SEM1: variants seen among roughly 807,000 people sequenced by gnomAD.
The protein encoded by SEM1 is SEM1 26S proteasome subunit, also known as 26S proteasome complex subunit SEM1.
Under a neutral mutation model 12.7 loss-of-function variants are expected in SEM1, and 3 were observed. The ratio of observed to expected loss-of-function variants is 0.24; its 90% CI spans 0.11 to 0.61. SEM1 has a LOEUF of 0.61. Among genes scored for constraint, SEM1 ranks in the 20% least tolerant of loss-of-function variants. The pLI, the probability that SEM1 is intolerant of heterozygous loss-of-function variation, is 0.88. For missense variants in SEM1, 59 were observed against 81.3 expected (o/e 0.73, Z 1.06); for synonymous variants, 30 against 27.8 (o/e 1.08, Z -0.25).
chr7:96,560,257 T>C (rs551766379), intron 2 of SEM1, among the ~76,000 whole-genome samples: 11 of 152,350 alleles, frequency 7.2e-5, no homozygotes, highest in African/African-American at 2.6e-4. Flanking sequence ...ATTGATTAAT[T>C]GCTCCTTCTC....
intron 2 of SEM1, among the ~76,000 whole-genome samples, chr7:96,592,876 G>A (rs555806954): frequency 1.3e-5 from 2 of 151,938 alleles, no homozygotes; most frequent in South Asian, 4.2e-4. Context: ...TTGTTAGCTG[G>A]TAAAGAAGGA....
chr7:96,697,808 T>C (rs1790144582), intron 1 of SEM1, among the ~76,000 whole-genome samples: 2 of 152,124 alleles, frequency 1.3e-5, no homozygotes, highest in African/African-American at 2.4e-5. Context: ...CCACACCATA[T>C]CCAGTGATTC....
intron 2 of SEM1, among the ~76,000 whole-genome samples, chr7:96,587,710 G>T (rs573986488): frequency 6.6e-6 from 1 of 151,810 alleles, no homozygotes; most frequent in South Asian, 2.1e-4. Context: ...GCAACTGATA[G>T]GTGATTTTAC....
At chr7:96,673,152 G>A (rs976516995), downstream of SEM1, 3 of 151,702 alleles carry the variant, frequency 2.0e-5, no homozygotes, top group African/African-American at 7.3e-5. Context: ...GTCTTGCTCT[G>A]TCACCCAGGC....
At chr7:96,596,041 G>A (rs928772737) in intron 2 of SEM1, among the ~76,000 whole-genome samples, 3 of 152,234 alleles carry the variant, frequency 2.0e-5, no homozygotes, top group Admixed American at 1.3e-4. Context: ...ATAGGATGCA[G>A]TGGACTTTGG....
chr7:96,515,103 T>G (rs1273409362), intron 2 of SEM1, among the ~76,000 whole-genome samples: 1 of 152,114 alleles, frequency 6.6e-6, no homozygotes, highest in Non-Finnish European at 1.5e-5. Context: ...TATAATCAAC[T>G]GATATTTGAC....
intron 1 of SEM1, among the ~76,000 whole-genome samples, chr7:96,490,168 C>T (rs546841555): frequency 1.2e-4 from 18 of 152,252 alleles, no homozygotes; most frequent in South Asian, 8.3e-4. Flanking sequence ...TTCCAATTCA[C>T]GGTCATCACA....
chr7:96,692,432 G>A (rs1584867157), intron 2 of SEM1, among the ~76,000 whole-genome samples: 1 of 152,232 alleles, frequency 6.6e-6, no homozygotes, highest in East Asian at 1.9e-4. Context: ...GAGATCAACA[G>A]CATTTGGAAG....
chr7:96,500,903 C>T (rs1584714149), upstream of SEM1, among the ~76,000 whole-genome samples: 3 of 152,198 alleles, frequency 2.0e-5, no homozygotes, highest in South Asian at 2.1e-4. Context: ...TACCAACTTT[C>T]CTTCAAAATC....
At chr7:96,686,956 C>T (rs1314241397), downstream of SEM1, among the ~76,000 whole-genome samples, 1 of 151,914 alleles carries the variant, frequency 6.6e-6, no homozygotes, top group African/African-American at 2.4e-5. Context: ...AAAACAAACC[C>T]CATCAAAAAG....
chr7:96,556,983 C>T (rs866649801), intron 2 of SEM1, among the ~76,000 whole-genome samples: 2,151 of 149,314 alleles, frequency 0.014, 18 homozygotes, highest in African/African-American at 0.027. Context: ...TTGATCACAT[C>T]GGCTCCCGAG....
At chr7:96,692,018 G>GA (rs1275177041) in intron 2 of SEM1, among the ~76,000 whole-genome samples, 2 of 152,024 alleles carry the variant, frequency 1.3e-5, no homozygotes, top group Non-Finnish European at 2.9e-5. Context: ...CAACAACAGT[G>GA]AAAAAACAAC....
intron 1 of SEM1, among the ~76,000 whole-genome samples, chr7:96,490,632 T>A (rs1455179203): frequency 6.6e-6 from 1 of 152,180 alleles, no homozygotes; most frequent in African/African-American, 2.4e-5. Flanking sequence ...TTGTCTGAAC[T>A]TCAGTTGCAG....
chr7:96,486,393 C>G, exon 2 of SEM1: 2 of 1,537,010 alleles, frequency 1.3e-6, no homozygotes, highest in Non-Finnish European at 1.7e-6. Flanking sequence ...CCTTGTACAG[C>G]AAACACAGCA....
intron 2 of SEM1, among the ~76,000 whole-genome samples, chr7:96,507,165 T>C (rs1244291912): frequency 2.0e-5 from 3 of 152,116 alleles, no homozygotes; most frequent in Non-Finnish European, 4.4e-5. Context: ...GGCAAAGCAG[T>C]AATATTAAGC....
chr7:96,600,582 TG>T (rs1162698874), intron 2 of SEM1, among the ~76,000 whole-genome samples: 1 of 152,162 alleles, frequency 6.6e-6, no homozygotes, highest in East Asian at 1.9e-4. Flanking sequence ...CCCACGGTGA[TG>T]GGCAGAGGCA....
intron 2 of SEM1, chr7:96,645,618 GGAGTGGGCACACTCTT>G (rs1346715511): frequency 7.6e-6 from 3 of 396,218 alleles, no homozygotes; most frequent in Non-Finnish European, 8.9e-6. Flanking sequence ...TGGAGCACAG[GGAGTGGGCACACTCTT>G]GAGAGCTTAA....
intron 3 of SEM1, among the ~76,000 whole-genome samples, chr7:96,501,920 T>C (rs1803570807): frequency 6.6e-6 from 1 of 152,020 alleles, no homozygotes; most frequent in African/African-American, 2.4e-5. Context: ...TTATAACCCA[T>C]CTTTATATCC....
intron 2 of SEM1, among the ~76,000 whole-genome samples, chr7:96,665,208 T>C (rs979705056): frequency 2.0e-5 from 3 of 152,078 alleles, no homozygotes; most frequent in Non-Finnish European, 4.4e-5. Context: ...AGCTCTCTGG[T>C]TGGACATCCC....
Sources: allele counts gnomAD v4.1 joint callset (sites outside exome capture counted in the v4.1 genomes callset), GRCh38; gene constraint gnomAD v4.1.1; transcripts MANE v1.5; gene names NCBI Gene and HGNC (gene_info 2026-07-23, HGNC 2026-07-21).